Variants in RBFOX1 observed in about 807,000 individuals in gnomAD.
RBFOX1 encodes the protein RNA binding protein fox-1 homolog 1.
A neutral mutation model predicts 57.7 loss-of-function variants in RBFOX1; 8 were observed. That is an observed-to-expected ratio of 0.14 (90% CI 0.08 to 0.25). RBFOX1 has a LOEUF of 0.25. RBFOX1 is among the 10% of genes least tolerant of loss of function. The pLI is 1.00. For synonymous variants in RBFOX1, 326 were observed against 222.4 expected (o/e 1.47, Z -4.15); for missense variants, 611 against 548.5 (o/e 1.11, Z -1.14).
chr16:6,687,766 A>G (rs917607858), intron 3 of RBFOX1, among the ~76,000 whole-genome samples: 1 of 152,200 alleles, frequency 6.6e-6, no homozygotes, highest in Non-Finnish European at 1.5e-5. Context: ...AGGTCAGCCC[A>G]GAGTGGTCAC....
chr16:6,145,401 G>A (rs976339037), intron 1 of RBFOX1, among the ~76,000 whole-genome samples: 2 of 152,058 alleles, frequency 1.3e-5, no homozygotes, highest in Non-Finnish European at 2.9e-5. Context: ...ATTCCATGGT[G>A]TATATGTACC....
chr16:7,088,857 A>G (rs372748455), intron 4 of RBFOX1, among the ~76,000 whole-genome samples: 3 of 152,302 alleles, frequency 2.0e-5, no homozygotes, highest in Admixed American at 6.5e-5. Flanking sequence ...GTCTTTCATC[A>G]GCATCATCAT....
chr16:7,665,604 A>G (rs868454773), intron 13 of RBFOX1, among the ~76,000 whole-genome samples: 1 of 152,186 alleles, frequency 6.6e-6, no homozygotes, highest in Non-Finnish European at 1.5e-5. Context: ...AGAGTAGGCT[A>G]TTTCTCATTA....
intron 3 of RBFOX1, among the ~76,000 whole-genome samples, chr16:5,807,590 C>T (rs1355020341): frequency 6.6e-6 from 1 of 152,176 alleles, no homozygotes; most frequent in Non-Finnish European, 1.5e-5. Context: ...TAGGTAACCA[C>T]ACAAGTGTAT....
chr16:5,347,359 C>A (rs1417540335), intron 1 of RBFOX1, among the ~76,000 whole-genome samples: 1 of 152,130 alleles, frequency 6.6e-6, no homozygotes, highest in Non-Finnish European at 1.5e-5. Flanking sequence ...ATGAACTCAG[C>A]CTCCTTGAAT....
intron 1 of RBFOX1, among the ~76,000 whole-genome samples, chr16:5,292,082 A>G (rs897265172): frequency 8.6e-5 from 13 of 151,704 alleles, no homozygotes; most frequent in Admixed American, 4.6e-4. Context: ...TCACAGAGGG[A>G]TGGACGTTCA....
intron 3 of RBFOX1, among the ~76,000 whole-genome samples, chr16:6,859,174 T>TACGTATATATATATAC (rs778753196): frequency 8.5e-4 from 55 of 64,958 alleles, no homozygotes; most frequent in East Asian, 1.4e-3. Flanking sequence ...CGTATATATA[T>TACGTATATATATATAC]GTATATATAT....
At chr16:6,650,471 A>T (rs990246426) in intron 2 of RBFOX1, among the ~76,000 whole-genome samples, 3 of 152,176 alleles carry the variant, frequency 2.0e-5, no homozygotes, top group African/African-American at 7.2e-5. Context: ...TGTGTGATTC[A>T]GTATGAGTTA....
intron 4 of RBFOX1, among the ~76,000 whole-genome samples, chr16:7,491,078 C>G (rs1350041139): frequency 6.6e-6 from 1 of 152,146 alleles, no homozygotes; most frequent in Admixed American, 6.5e-5. Context: ...ACACTTCTTA[C>G]CGTACCTGCA....
chr16:5,268,214 C>CT (rs2062911539), intron 1 of RBFOX1, among the ~76,000 whole-genome samples: 1 of 151,846 alleles, frequency 6.6e-6, no homozygotes, highest in Non-Finnish European at 1.5e-5. Flanking sequence ...ATGAAGAACA[C>CT]TTTTTTCTTT....
chr16:6,684,404 C>T (rs145512637), intron 3 of RBFOX1, among the ~76,000 whole-genome samples: 4 of 152,146 alleles, frequency 2.6e-5, no homozygotes, highest in Non-Finnish European at 5.9e-5. Flanking sequence ...TCATCTTTTC[C>T]CCCAGTTTAA....
chr16:5,563,550 G>C (rs777633294), intron 2 of RBFOX1, among the ~76,000 whole-genome samples: 4 of 152,122 alleles, frequency 2.6e-5, no homozygotes, highest in Non-Finnish European at 5.9e-5. Flanking sequence ...TACAGTTAAC[G>C]CACCTTGGTC....
intron 10 of RBFOX1, among the ~76,000 whole-genome samples, chr16:7,629,257 T>G (rs1352066229): frequency 6.6e-6 from 1 of 152,140 alleles, no homozygotes; most frequent in Non-Finnish European, 1.5e-5. Flanking sequence ...TGTCCCTTGA[T>G]GACATCACCG....
chr16:5,267,083 TTG>T (rs2062877870), intron 1 of RBFOX1, among the ~76,000 whole-genome samples: 1 of 150,170 alleles, frequency 6.7e-6, no homozygotes, highest in Non-Finnish European at 1.5e-5. Flanking sequence ...GAGGAGTGTG[TTG>T]TGTACATCTC....
chr16:6,048,025 G>C (rs903957496), intron 1 of RBFOX1, among the ~76,000 whole-genome samples: 2 of 152,148 alleles, frequency 1.3e-5, no homozygotes, highest in Non-Finnish European at 2.9e-5. Context: ...TGCCTCATGG[G>C]AACAAAGGCC....
intron 4 of RBFOX1, among the ~76,000 whole-genome samples, chr16:7,254,266 C>T (rs887375392): frequency 6.6e-6 from 1 of 152,154 alleles, no homozygotes; most frequent in Non-Finnish European, 1.5e-5. Context: ...ATAGTATTAA[C>T]CACTCCATAA....
At chr16:5,705,146 G>T (rs2051195273) in intron 3 of RBFOX1, among the ~76,000 whole-genome samples, 1 of 152,158 alleles carries the variant, frequency 6.6e-6, no homozygotes, top group Admixed American at 6.5e-5. Flanking sequence ...TTTGGTTCCT[G>T]CAACCTTTGA....
chr16:7,476,566 G>T (rs1599413593), intron 4 of RBFOX1, among the ~76,000 whole-genome samples: 1 of 152,208 alleles, frequency 6.6e-6, no homozygotes, highest in South Asian at 2.1e-4. Flanking sequence ...CAGCTCTTCT[G>T]CAGACGTAGG....
chr16:7,543,508 G>A (rs2083514105), intron 5 of RBFOX1, among the ~76,000 whole-genome samples: 1 of 152,130 alleles, frequency 6.6e-6, no homozygotes, highest in Admixed American at 6.6e-5. Context: ...CATTTTCAGA[G>A]GAGACAATGG....
Sources: allele counts gnomAD v4.1 joint callset (sites outside exome capture counted in the v4.1 genomes callset), GRCh38; gene constraint gnomAD v4.1.1; transcripts MANE v1.5; gene names NCBI Gene and HGNC (gene_info 2026-07-23, HGNC 2026-07-21).